The following COIL variants were observed in gnomAD, a reference collection of about 807,000 sequenced individuals.
COIL encodes the protein coilin p80.
A neutral mutation model predicts 51.6 loss-of-function variants in COIL; 28 were observed. That is an observed-to-expected ratio of 0.54 (90% confidence interval 0.40 to 0.74). The LOEUF is 0.74. Among genes scored for constraint, COIL ranks in the 30% least tolerant of loss-of-function variants. The probability of loss-of-function intolerance (pLI) is 0.00; values close to 1 mark genes in which losing one functional copy is unlikely to be tolerated. For synonymous variants in COIL, 233 were observed against 255.8 expected (o/e 0.91, Z 0.85); for missense variants, 667 against 685.9 (o/e 0.97, Z 0.31).
chr17:56,946,597 G>T, intron 4 of COIL, 86 bp from the exon 5 acceptor site: 3 of 804,550 alleles, frequency 3.7e-6, no homozygotes, highest in Non-Finnish European at 6.0e-6. Context: ...ACTTTAAAAT[G>T]GTTAAAATGT....
At chr17:56,959,439 C>A (rs1453280021) in intron 1 of COIL, among the ~76,000 whole-genome samples, 3 of 152,178 alleles carry the variant, frequency 2.0e-5, no homozygotes, top group African/African-American at 7.2e-5. Flanking sequence ...GGCAACTCAA[C>A]CACATTTCAG....
chr17:56,948,841 A>G (rs1910301519), intron 4 of COIL, among the ~76,000 whole-genome samples: 1 of 151,172 alleles, frequency 6.6e-6, no homozygotes, highest in Admixed American at 6.6e-5. Context: ...ATTCACAAAT[A>G]TGTAAAATAG....
At chr17:56,960,709 C>G (rs1910577154) in intron 1 of COIL, 66 bp downstream of exon 1, 1 of 1,331,966 alleles carries the variant, frequency 7.5e-7, no homozygotes, top group Non-Finnish European at 9.8e-7. Context: ...GCTTCAGGCC[C>G]GGGCGTGCGC....
chr17:56,949,407 G>T lies in COIL; in HGVS notation c.1468C>A (p.Pro490Thr). Residue 490 changes from proline to threonine, a missense_variant, in exon 4 of 7, where the codon CCT becomes ACT. Coordinates refer to ENST00000240316, the MANE Select transcript of COIL (RefSeq NM_004645.3). ...CTTACCTTGTAGTCAGAGACATCAG[G>T]AGAGTAACTGGATGTTAGCTCCAAA... is the stretch of plus-strand genomic sequence containing the variant. ...KLLELTSSYS[P>T]DVSDYKEGRI... 6.2e-7 allele frequency: 1 copy of T among 1,600,456 alleles called. No homozygotes were observed. The highest frequency in any genetic ancestry group is 1.1e-5 in the South Asian group (1 of 88,418).
At chr17:56,945,172 T>C (rs1910222955) in intron 5 of COIL, among the ~76,000 whole-genome samples, 1 of 152,054 alleles carries the variant, frequency 6.6e-6, no homozygotes. Flanking sequence ...AATCCATCTC[T>C]ACTAAAAATA....
At chr17:56,939,654 C>T (rs1396214455) in intron 6 of COIL, among the ~76,000 whole-genome samples, 2 of 152,016 alleles carry the variant, frequency 1.3e-5, no homozygotes, top group African/African-American at 4.8e-5. Flanking sequence ...TCAGGAGAAT[C>T]GCTTGAACCC....
intron 1 of COIL, chr17:56,951,802 TC>T (rs1910376670): frequency 1.3e-5 from 2 of 150,044 alleles, no homozygotes; most frequent in Admixed American, 1.3e-4. Flanking sequence ...ATTTTTCTTT[TC>T]TTTTTTTTTT....
At chr17:56,959,032 T>C (rs570421662) in intron 1 of COIL, among the ~76,000 whole-genome samples, 3 of 151,546 alleles carry the variant, frequency 2.0e-5, no homozygotes, top group African/African-American at 7.3e-5. Flanking sequence ...TAATTCACTG[T>C]AGCTGAAGCT....
rs1910349471 is a variant in COIL at position 56,950,662 on chromosome 17, T to TA, written c.579dup (p.Lys194Ter). On this transcript the variant is annotated frameshift_variant, in exon 2 of 7. Transcript: ENST00000240316. LOFTEE classifies it high-confidence loss of function. ...GACTTGGGATTCTTAGCCTTTTTTT[T>TA]ATATTCACATTTCTCCTTTTTCTTT... 6.2e-7 allele frequency: 1 copy of TA among 1,610,548 alleles called. No homozygotes were observed. The highest frequency in any genetic ancestry group is 1.7e-5 in the Admixed American group (1 of 59,106).
At position 56,961,016 on chromosome 17, in the gene COIL, C is replaced by T; in HGVS notation, c.4G>A (p.Ala2Thr). 1 of 1,613,500 alleles carries T rather than the reference C, an allele frequency of 6.2e-7. No individual in the cohort carries two copies. The highest frequency in any genetic ancestry group is 8.5e-7 in the Non-Finnish European group (1 of 1,179,852). MAASETVRLRLQ... is the reference protein window; with the variant it reads MTASETVRLRLQ... ...CGTAGCCTAACCGTCTCGGAAGCTG[C>T]CATCTTGCTTGGTGCTCAACGGAAG... The change falls in exon 1 of 7, where the codon GCA (alanine) becomes ACA (threonine). Residue 2 changes from alanine (A) to threonine (T), a missense_variant. Transcript: ENST00000240316.
chr17:56,943,953 C>G (rs1181168554), intron 5 of COIL, among the ~76,000 whole-genome samples: 1 of 152,048 alleles, frequency 6.6e-6, no homozygotes, highest in East Asian at 1.9e-4. Flanking sequence ...GCAGCCTCGA[C>G]CTCCTGGGCT....
chr17:56,949,161 C>T (rs1910307038), intron 4 of COIL, among the ~76,000 whole-genome samples: 1 of 152,040 alleles, frequency 6.6e-6, no homozygotes, highest in Admixed American at 6.6e-5. Flanking sequence ...AAATTAAGCT[C>T]ATCATTCTCC....
Position 56,957,820 on chromosome 17 carries a change from T to C in COIL, c.245+2955A>G, listed in dbSNP as rs143953590. ...GCTCCAAGCCAATAGAAGCACCTCCTCCTCCTCCCAGGACAGTTAGAGACC... is the reference window on the plus strand; with the variant it reads ...GCTCCAAGCCAATAGAAGCACCTCCCCCTCCTCCCAGGACAGTTAGAGACC... On this transcript the variant is annotated intron_variant, in intron 1 of 6. Transcript: ENST00000240316. Among the ~76,000 whole-genome samples, 14 of 152,168 alleles carry C rather than the reference T, an allele frequency of 9.2e-5. No homozygotes were observed. In the East Asian group the frequency reaches 2.7e-3, roughly 29 times the overall value.
At chr17:56,951,791 T>C (rs1200139847) in intron 1 of COIL, 1 of 151,908 alleles carries the variant, frequency 6.6e-6, no homozygotes, top group Non-Finnish European at 1.5e-5. Flanking sequence ...TTTTTATTTT[T>C]ATTTTTCTTT....
At chr17:56,959,863 G>A (rs1365543026) in intron 1 of COIL, among the ~76,000 whole-genome samples, 2 of 152,220 alleles carry the variant, frequency 1.3e-5, no homozygotes, top group Non-Finnish European at 2.9e-5. Context: ...TAGGCATCAG[G>A]GATTTTCCAA....
intron 5 of COIL, among the ~76,000 whole-genome samples, chr17:56,944,431 A>G (rs943473291): frequency 6.6e-6 from 1 of 151,358 alleles, no homozygotes; most frequent in African/African-American, 2.4e-5. Flanking sequence ...TCTCTACTAA[A>G]AATACAAAAA....
At chr17:56,956,321 C>T (rs1910481767) in intron 1 of COIL, among the ~76,000 whole-genome samples, 1 of 152,162 alleles carries the variant, frequency 6.6e-6, no homozygotes, top group South Asian at 2.1e-4. Context: ...TCACTGCAGC[C>T]TCAACTTCTG....
chr17:56,960,776 T>G lies in COIL; in HGVS notation c.244A>C (p.Arg82=). The G allele has an allele frequency of 6.6e-7, 1 of 1,526,310 alleles. No homozygotes were observed. The highest frequency in any genetic ancestry group is 8.8e-7 in the Non-Finnish European group (1 of 1,131,990). 94.5% of individuals were successfully genotyped at this position (1,526,310 alleles called of 1,614,324 possible). A position where few individuals can be genotyped will look rare whatever the true frequency, so the allele number is the denominator to read the frequency against. The stretch of plus-strand genomic sequence containing the variant: ...CGTCCCGCTCCCTGCGCCGCGCACC[T>G]GAGGCAGTCGTTGTCTCTCACAAGG... ...ARLVRDNDCL[R]VKLEERGVAE... Residue 82 remains arginine (R), a splice_region_variant and synonymous_variant, in exon 1 of 7, where the codon AGA becomes CGA. Transcript: ENST00000240316.
chr17:56,953,569 A>C (rs1910424650), intron 1 of COIL, among the ~76,000 whole-genome samples: 1 of 152,178 alleles, frequency 6.6e-6, no homozygotes, highest in Non-Finnish European at 1.5e-5. Context: ...TATACTTACA[A>C]GGCATTTACA....
Sources: allele counts gnomAD v4.1 joint callset (sites outside exome capture counted in the v4.1 genomes callset), GRCh38; gene constraint gnomAD v4.1.1; transcripts MANE v1.5; gene names NCBI Gene and HGNC (gene_info 2026-07-23, HGNC 2026-07-21).